SLC35F4: variants seen among roughly 807,000 people sequenced by gnomAD.
SLC35F4 encodes the protein solute carrier family 35 member F4, also known as chromosome 14 open reading frame 36.
SLC35F4 carries 24 observed loss-of-function variants against 44.2 expected under a neutral mutation model. The ratio of observed to expected loss-of-function variants is 0.54; its 90% CI spans 0.39 to 0.76. The LOEUF (loss-of-function observed/expected upper bound fraction) is 0.76, where lower values mean the gene tolerates loss of function less well. Ranked by LOEUF, SLC35F4 falls within the 30% of genes least tolerant of loss-of-function variation. The probability of loss-of-function intolerance (pLI) is 0.00; values close to 1 mark genes in which losing one functional copy is unlikely to be tolerated. For missense variants in SLC35F4, 562 were observed against 586.1 expected (o/e 0.96, Z 0.42); for synonymous variants, 238 against 223.6 (o/e 1.06, Z -0.57).
intron 1 of SLC35F4, among the ~76,000 whole-genome samples, chr14:57,851,518 A>G (rs1886562124): frequency 6.6e-6 from 1 of 152,204 alleles, no homozygotes; most frequent in African/African-American, 2.4e-5. Context: ...TGCAATTATG[A>G]TGTCAAGTCA....
intron 1 of SLC35F4, among the ~76,000 whole-genome samples, chr14:57,734,263 T>C (rs2076414108): frequency 6.6e-6 from 1 of 152,186 alleles, no homozygotes; most frequent in South Asian, 2.1e-4. Context: ...GCATTCTTTC[T>C]GAGCCTCAAC....
At chr14:57,889,567 T>C (rs1282784000) in intron 1 of SLC35F4, among the ~76,000 whole-genome samples, 1 of 152,202 alleles carries the variant, frequency 6.6e-6, no homozygotes, top group African/African-American at 2.4e-5. Flanking sequence ...AGGACACCCT[T>C]AGGTTTATCC....
At chr14:57,845,159 G>A (rs1310501669) in intron 1 of SLC35F4, among the ~76,000 whole-genome samples, 1 of 152,140 alleles carries the variant, frequency 6.6e-6, no homozygotes, top group Non-Finnish European at 1.5e-5. Context: ...TCAGGAGGAG[G>A]AAAAATAACT....
chr14:57,668,670 G>C (rs2074403473), intron 1 of SLC35F4, among the ~76,000 whole-genome samples: 1 of 152,060 alleles, frequency 6.6e-6, no homozygotes, highest in African/African-American at 2.4e-5. Flanking sequence ...TGAGGGCTCT[G>C]TTCTGTTCCA....
At chr14:57,665,121 C>T (rs543889572) in intron 1 of SLC35F4, among the ~76,000 whole-genome samples, 10 of 152,024 alleles carry the variant, frequency 6.6e-5, no homozygotes, top group Admixed American at 1.3e-4. Flanking sequence ...AAACATCAAC[C>T]GCCCTCCCGC....
At chr14:57,807,084 C>T (rs966101535) in intron 1 of SLC35F4, among the ~76,000 whole-genome samples, 1 of 152,176 alleles carries the variant, frequency 6.6e-6, no homozygotes, top group African/African-American at 2.4e-5. Flanking sequence ...AATCTAGAAA[C>T]ATTTATGAAA....
upstream of SLC35F4, among the ~76,000 whole-genome samples, chr14:57,869,724 AAC>A (rs1302050508): frequency 6.6e-6 from 1 of 152,236 alleles, no homozygotes; most frequent in Non-Finnish European, 1.5e-5. Context: ...AAGAAATTTA[AAC>A]AGTGTTAGTG....
At chr14:57,573,694 A>G (rs2068634772) in intron 4 of SLC35F4, among the ~76,000 whole-genome samples, 1 of 151,978 alleles carries the variant, frequency 6.6e-6, no homozygotes, top group African/African-American at 2.4e-5. Flanking sequence ...TCTTTGGGGG[A>G]TCTGATTTCA....
intron 1 of SLC35F4, among the ~76,000 whole-genome samples, chr14:57,752,980 A>G (rs2076920206): frequency 6.6e-6 from 1 of 151,670 alleles, no homozygotes; most frequent in South Asian, 2.1e-4. Flanking sequence ...CTCTCTACTA[A>G]CTCTCACATT....
chr14:57,896,773 A>G (rs190870885), intron 1 of SLC35F4, among the ~76,000 whole-genome samples: 4 of 152,200 alleles, frequency 2.6e-5, no homozygotes, highest in Admixed American at 2.6e-4. Context: ...GAATATAGTA[A>G]AACTCAACAA....
chr14:57,591,498 T>A (rs907204512), intron 2 of SLC35F4, among the ~76,000 whole-genome samples: 1 of 152,208 alleles, frequency 6.6e-6, no homozygotes, highest in Non-Finnish European at 1.5e-5. Context: ...AATCTTGTGT[T>A]GAGAGGCCAA....
At chr14:57,735,226 C>T (rs183378618) in intron 1 of SLC35F4, among the ~76,000 whole-genome samples, 104 of 152,246 alleles carry the variant, frequency 6.8e-4, no homozygotes, top group African/African-American at 2.2e-3. Flanking sequence ...GACAGATGTC[C>T]TACAGCACCA....
intron 1 of SLC35F4, among the ~76,000 whole-genome samples, chr14:57,698,041 T>C (rs2075434583): frequency 6.6e-6 from 1 of 152,216 alleles, no homozygotes; most frequent in South Asian, 2.1e-4. Context: ...GCTTCAGTTC[T>C]TCACATGTAA....
chr14:57,932,503 T>C (rs931519327), intron 1 of SLC35F4, among the ~76,000 whole-genome samples: 1 of 152,178 alleles, frequency 6.6e-6, no homozygotes, highest in Non-Finnish European at 1.5e-5. Flanking sequence ...CAGGAGGTGA[T>C]ATGAATCATT....
chr14:57,806,120 T>C (rs1881288310), intron 1 of SLC35F4, among the ~76,000 whole-genome samples: 2 of 152,220 alleles, frequency 1.3e-5, no homozygotes, highest in South Asian at 4.1e-4. Context: ...TTTTCCATTT[T>C]TGTATGCCTC....
intron 1 of SLC35F4, among the ~76,000 whole-genome samples, chr14:57,722,604 T>A (rs972140589): frequency 6.6e-6 from 1 of 152,124 alleles, no homozygotes; most frequent in East Asian, 1.9e-4. Context: ...AGGGGCCAAG[T>A]AGTGGCACTC....
rs375710086 is a variant in SLC35F4 at position 57,805,874 on chromosome 14, T to C, written c.103+59849A>G. 1.2e-4 allele frequency among the ~76,000 whole-genome samples: 19 copies of C among 152,308 alleles called. No homozygotes were observed. The East Asian group carries it at 3.1e-3, about 25-fold the overall frequency. ...GAAAAAAGCAGCATACAAAGTAGTA[T>C]CCAAAGTAAGGTCACAACAATGTAA... On this transcript the variant is annotated intron_variant, in intron 1 of 7. Coordinates refer to ENST00000556826, the MANE Select transcript of SLC35F4 (RefSeq NM_001306087.2).
chr14:57,857,416 T>G lies in SLC35F4; in HGVS notation c.103+8307A>C, dbSNP rs986008486. 3.9e-5 allele frequency among the ~76,000 whole-genome samples: 6 copies of G among 152,110 alleles called. No homozygotes were observed. The South Asian group carries it at 1.2e-3, about 31-fold the overall frequency. On this transcript the variant is annotated intron_variant, in intron 1 of 7. Transcript: ENST00000556826. ...TTTAGTGTATTCTCATTCTTTAAAGTACATCTATTTGATTCATTCATTGCT... is the reference window on the plus strand; with the variant it reads ...TTTAGTGTATTCTCATTCTTTAAAGGACATCTATTTGATTCATTCATTGCT...
intron 1 of SLC35F4, among the ~76,000 whole-genome samples, chr14:57,692,246 T>G (rs2075256803): frequency 6.6e-6 from 1 of 152,184 alleles, no homozygotes; most frequent in Non-Finnish European, 1.5e-5. Flanking sequence ...GTACAGCTCA[T>G]TTGTGGTAAA....
Sources: gnomAD v4.1 joint callset for allele counts (sites outside exome capture counted in the v4.1 genomes callset) on GRCh38, gnomAD v4.1.1 for gene constraint, MANE v1.5 for transcripts, NCBI Gene and HGNC (gene_info 2026-07-23, HGNC 2026-07-21) for gene names.